Variants in PTK2B observed in about 807,000 individuals in gnomAD.
PTK2B encodes the protein protein tyrosine kinase 2 beta.
Under a neutral mutation model 142.9 loss-of-function variants are expected in PTK2B, and 71 were observed. That is an observed-to-expected ratio of 0.50 (90% CI 0.41 to 0.61). PTK2B has a LOEUF of 0.61. PTK2B is among the 20% of genes least tolerant of loss of function. The pLI is 0.00. For missense variants in PTK2B, 1,105 were observed against 1,320.4 expected (o/e 0.84, Z 2.53); for synonymous variants, 519 against 503.4 (o/e 1.03, Z -0.42).
intron 2 of PTK2B, among the ~76,000 whole-genome samples, chr8:27,407,769 T>G (rs1421337024): frequency 1.3e-5 from 2 of 152,198 alleles, no homozygotes; most frequent in African/African-American, 4.8e-5. Flanking sequence ...AATCAACTCC[T>G]CAGGTTGACT....
At chr8:27,395,254 G>A (rs532660201) in intron 1 of PTK2B, among the ~76,000 whole-genome samples, 36 of 152,158 alleles carry the variant, frequency 2.4e-4, no homozygotes, top group Admixed American at 7.9e-4. Context: ...GTGTCACCAC[G>A]AACACATGAG....
upstream of PTK2B, chr8:27,311,245 A>T (rs1325486639): frequency 2.0e-6 from 3 of 1,506,960 alleles, no homozygotes; most frequent in South Asian, 1.3e-5. Flanking sequence ...TGGCACGAGC[A>T]GCCGGCTCGG....
At chr8:27,403,661 G>C (rs949995716) in intron 2 of PTK2B, among the ~76,000 whole-genome samples, 1 of 152,144 alleles carries the variant, frequency 6.6e-6, no homozygotes, top group Non-Finnish European at 1.5e-5. Flanking sequence ...TAATTTGCTT[G>C]TCTGGGAAAA....
rs759740076 is a variant in PTK2B at position 27,431,466 on chromosome 8, C to T, written c.879C>T (p.Asp293=). 63 of 1,613,978 alleles carry T rather than the reference C, an allele frequency of 3.9e-5. No individual in the cohort carries two copies. Among genetic ancestry groups the T allele is most frequent in the Non-Finnish European group, 5.2e-5 (61 of 1,180,038 alleles). ...GGATCCGCCAGCTGACTAGTCAGGA[C>T]GCAAAGGTAGAGAGACCCGGGGCAG... ...PKGIRQLTSQ[D]AKPTCLAEFK... The change falls in exon 9 of 31, where the codon GAC becomes GAT. Residue 293 remains aspartate (D), a synonymous_variant. Transcript: ENST00000346049.
chr8:27,393,497 G>A (rs1007333112), intron 1 of PTK2B, among the ~76,000 whole-genome samples: 1 of 152,024 alleles, frequency 6.6e-6, no homozygotes, highest in Non-Finnish European at 1.5e-5. Flanking sequence ...CTCCAAGCAC[G>A]CTGATGATGT....
chr8:27,434,426 G>A (rs1810642010), intron 12 of PTK2B, 87 bp from the exon 13 acceptor site: 9 of 1,383,124 alleles, frequency 6.5e-6, no homozygotes, highest in South Asian at 5.3e-5. Context: ...TCCACAGGGG[G>A]CAGGAGGAGA....
Position 27,440,347 on chromosome 8 carries a change from C to G in PTK2B, c.1945C>G (p.Leu649Val). 6.2e-7 allele frequency: 1 copy of G among 1,614,250 alleles called. No homozygotes were observed. The highest frequency in any genetic ancestry group is 8.5e-7 in the Non-Finnish European group (1 of 1,180,044). Residue 649 changes from leucine to valine, a missense_variant, in exon 21 of 31, where the codon CTC becomes GTC. Transcript: ENST00000346049. Reference sequence around the variant, plus strand: ...AGGAGACCGGCTGCCCAAGCCTGATCTCTGTCCACCGGTCCTTTATACCCT... The same window carrying G: ...AGGAGACCGGCTGCCCAAGCCTGATGTCTGTCCACCGGTCCTTTATACCCT... The part of the protein sequence containing the change: ...EKGDRLPKPD[L>V]CPPVLYTLMT...
At chr8:27,310,821 C>T, upstream of PTK2B, 1 of 1,605,238 alleles carries the variant, frequency 6.2e-7, no homozygotes, top group Non-Finnish European at 8.5e-7. Context: ...TGGGCAGTGT[C>T]CTTCACCGGC....
chr8:27,401,613 G>T (rs545780523), intron 2 of PTK2B, among the ~76,000 whole-genome samples: 2 of 152,328 alleles, frequency 1.3e-5, no homozygotes, highest in South Asian at 4.1e-4. Context: ...GCACATAGCG[G>T]GTTTGAGACT....
Position 27,431,406 on chromosome 8 carries a change from G to A in PTK2B, c.819G>A (p.Trp273Ter). The A allele has an allele frequency of 6.2e-7, 1 of 1,614,214 alleles. No individual in the cohort carries two copies. Among genetic ancestry groups the A allele is most frequent in the Non-Finnish European group, 8.5e-7 (1 of 1,180,036 alleles). Residue 273 changes from tryptophan (W) to a stop codon, truncating the protein, a stop_gained, in exon 9 of 31, where the codon TGG becomes TGA. Transcript: ENST00000346049. LOFTEE classifies it high-confidence loss of function. The stretch of plus-strand genomic sequence containing the variant: ...CTCTCCTTTTATTCCAGCAAGGATG[G>A]AACATTACTGTGGACCTGGTCATTG... Reference protein sequence around the residue: ...ETYRCELIQGWNITVDLVIGP... With the variant: ...ETYRCELIQG
At chr8:27,311,086 C>G (rs1429717120), upstream of PTK2B, 3 of 1,597,136 alleles carry the variant, frequency 1.9e-6, no homozygotes, top group Non-Finnish European at 1.7e-6. Context: ...ACACCTGCAC[C>G]TCCCAGCAGC....
Position 27,430,902 on chromosome 8 carries a change from G to A in PTK2B, c.696G>A (p.Gln232=). Residue 232 remains glutamine, a synonymous_variant, in exon 8 of 31, where the codon CAG becomes CAA. Transcript: ENST00000346049. Reference sequence around the variant, plus strand: ...CCAAACAGTTCCGGAAGATGATCCAGCAGACCTTCCAGCAGTACGCCTCGC... The same window carrying A: ...CCAAACAGTTCCGGAAGATGATCCAACAGACCTTCCAGCAGTACGCCTCGC... ...LKPKQFRKMI[Q]QTFQQYASLR... 6.2e-7 allele frequency: 1 copy of A among 1,614,166 alleles called. No individual in the cohort carries two copies. The highest frequency in any genetic ancestry group is 8.5e-7 in the Non-Finnish European group (1 of 1,180,020).
intron 3 of PTK2B, among the ~76,000 whole-genome samples, chr8:27,319,856 G>A (rs1326721615): frequency 6.6e-6 from 1 of 152,042 alleles, no homozygotes; most frequent in African/African-American, 2.4e-5. Context: ...TATTAGCTAG[G>A]ATGCTCTGAA....
intron 1 of PTK2B, among the ~76,000 whole-genome samples, chr8:27,339,434 TC>T (rs932632861): frequency 6.6e-6 from 1 of 152,132 alleles, no homozygotes; most frequent in African/African-American, 2.4e-5. Flanking sequence ...CACAGCCCCC[TC>T]CCCATCCTTT....
At chr8:27,378,787 A>G (rs953211802) in intron 1 of PTK2B, among the ~76,000 whole-genome samples, 1 of 152,120 alleles carries the variant, frequency 6.6e-6, no homozygotes, top group Non-Finnish European at 1.5e-5. Flanking sequence ...CCCCACCCCA[A>G]GTGGAGCTAG....
Position 27,420,699 on chromosome 8 carries a change from G to A in PTK2B, c.426G>A (p.Glu142=). The A allele has an allele frequency of 6.2e-7, 1 of 1,614,164 alleles. No individual in the cohort carries two copies. Among genetic ancestry groups the A allele is most frequent in the Non-Finnish European group, 8.5e-7 (1 of 1,179,996 alleles). Residue 142 remains glutamate, a synonymous_variant, in exon 4 of 31, where the codon GAG becomes GAA. Transcript: ENST00000346049. ...GCTACTTGCCAGAAGACTTCATGGAGAGCCTGAAGGAGGACAGGACCACGC... is the reference window on the plus strand; with the variant it reads ...GCTACTTGCCAGAAGACTTCATGGAAAGCCTGAAGGAGGACAGGACCACGC... ...QIRYLPEDFM[E]SLKEDRTTLL... is the part of the protein sequence containing the mutation.
intron 12 of PTK2B, among the ~76,000 whole-genome samples, 164 bp from the exon 13 acceptor site, chr8:27,434,349 C>T (rs1459268668): frequency 2.6e-5 from 4 of 152,182 alleles, no homozygotes; most frequent in African/African-American, 9.7e-5. Context: ...GCTGCTGTCC[C>T]CCAACTCCAG....
chr8:27,382,108 C>T lies in PTK2B; in HGVS notation c.-37-15440C>T. Reference sequence around the variant, plus strand: ...AGGATTACAGGTGCACCACCATGCCCAGCTAATTTTTGAATTTTTAATAGA... The same window carrying T: ...AGGATTACAGGTGCACCACCATGCCTAGCTAATTTTTGAATTTTTAATAGA... On this transcript the variant is annotated intron_variant, in intron 1 of 30. Transcript: ENST00000346049. Among the ~76,000 whole-genome samples, 2 of 152,102 alleles carry T rather than the reference C, an allele frequency of 1.3e-5. 1 individual carries two copies. Among genetic ancestry groups the T allele is most frequent in the East Asian group, 3.8e-4 (2 of 5,196 alleles).
In PTK2B at chr8:27,458,678, C is replaced by T. The variant is rs926584558; in HGVS notation, c.*169C>T. The T allele has an allele frequency of 1.5e-6, 1 of 668,368 alleles. No individual in the cohort carries two copies. The highest frequency in any genetic ancestry group is 2.7e-5 in the East Asian group (1 of 36,686). 41.4% of individuals were successfully genotyped at this position (668,368 alleles called of 1,614,324 possible). On this transcript the variant is annotated 3_prime_UTR_variant, in exon 31 of 31. Transcript: ENST00000346049. ...CACCCCTACCCCTGGCTGTACTGCT[C>T]AGGCTGCAGCTGGACAGAGGGGACT... is the stretch of plus-strand genomic sequence containing the variant.
Sources: allele counts gnomAD v4.1 joint callset (sites outside exome capture counted in the v4.1 genomes callset), GRCh38; gene constraint gnomAD v4.1.1; transcripts MANE v1.5; gene names NCBI Gene and HGNC (gene_info 2026-07-23, HGNC 2026-07-21).